The following SLC5A1 variants were observed in gnomAD, a reference collection of about 807,000 sequenced individuals.
SLC5A1 encodes sodium/glucose cotransporter 1.
In SLC5A1, 42 loss-of-function variants were observed where a neutral mutation model predicts 73.5. The ratio of observed to expected loss-of-function variants is 0.57; its 90% CI spans 0.45 to 0.74. The LOEUF (loss-of-function observed/expected upper bound fraction) is 0.74. SLC5A1 is among the 30% of genes least tolerant of loss of function. The pLI, the probability that SLC5A1 is intolerant of heterozygous loss-of-function variation, is 0.00. For missense variants in SLC5A1, 634 were observed against 855.4 expected (o/e 0.74, Z 3.23); for synonymous variants, 300 against 317.4 (o/e 0.95, Z 0.58).
chr22:32,083,451 G>A (rs567333833), intron 7 of SLC5A1, among the ~76,000 whole-genome samples: 1 of 152,256 alleles, frequency 6.6e-6, no homozygotes, highest in East Asian at 1.9e-4. Flanking sequence ...TGTTCTGTTT[G>A]CAGAGAAACT....
chr22:32,083,127 G>A lies in SLC5A1; in HGVS notation c.637G>A (p.Val213Met). 1 of 1,614,202 alleles carries A rather than the reference G, an allele frequency of 6.2e-7. No homozygotes were observed. Among genetic ancestry groups the A allele is most frequent in the Non-Finnish European group, 8.5e-7 (1 of 1,180,046 alleles). Residue 213 changes from valine to methionine, a missense_variant, in exon 7 of 15, where the codon GTG becomes ATG. Coordinates refer to ENST00000266088, the MANE Select transcript of SLC5A1 (RefSeq NM_000343.4). ...TDTLQTVIML[V>M]GSLILTGFAF... ...CACCTTGCAGACGGTGATCATGCTG[G>A]TGGGGTCTTTAATCCTGACTGGGTT...
At chr22:32,049,168 T>TATTATATATA in intron 1 of SLC5A1, among the ~76,000 whole-genome samples, 3 of 2,908 alleles carry the variant, frequency 1.0e-3, no homozygotes, top group African/African-American at 5.1e-3. Context: ...ATATAATCTA[T>TATTATATATA]ATCTATATCT....
intron 14 of SLC5A1, 63 bp from the exon 15 acceptor site, chr22:32,109,927 C>A: frequency 7.5e-7 from 1 of 1,326,508 alleles, no homozygotes; most frequent in Non-Finnish European, 1.1e-6. Context: ...TGGCTTCTCC[C>A]CTGAAAACTT....
intron 1 of SLC5A1, among the ~76,000 whole-genome samples, chr22:32,044,003 A>C (rs1034810952): frequency 2.0e-5 from 3 of 152,078 alleles, no homozygotes; most frequent in Non-Finnish European, 1.5e-5. Flanking sequence ...GTGGAAAAGG[A>C]GGAGGAGGAA....
At chr22:32,047,105 G>A (rs1488749356) in intron 1 of SLC5A1, among the ~76,000 whole-genome samples, 1 of 152,180 alleles carries the variant, frequency 6.6e-6, no homozygotes, top group Non-Finnish European at 1.5e-5. Context: ...TTGGAGAAGT[G>A]AGGAGGCTGT....
chr22:32,084,684 G>A, intron 8 of SLC5A1, 25 bp downstream of exon 8: 1 of 1,597,956 alleles, frequency 6.3e-7, no homozygotes, highest in South Asian at 1.1e-5. Context: ...TGTGCGGGAT[G>A]GACAGAGTCT....
intron 11 of SLC5A1, among the ~76,000 whole-genome samples, chr22:32,098,857 C>T (rs1294998707): frequency 7.3e-5 from 11 of 151,708 alleles, no homozygotes; most frequent in East Asian, 1.9e-4. Flanking sequence ...GAGGCCGAGG[C>T]GGGCGGATCA....
At chr22:32,090,136 C>T (rs895089041) in intron 10 of SLC5A1, among the ~76,000 whole-genome samples, 33 of 150,716 alleles carry the variant, frequency 2.2e-4, no homozygotes, top group African/African-American at 8.0e-4. Flanking sequence ...CTTAATTGAG[C>T]TTAAATTCAC....
At chr22:32,073,434 G>A (rs2093985845) in intron 5 of SLC5A1, among the ~76,000 whole-genome samples, 1 of 152,168 alleles carries the variant, frequency 6.6e-6, no homozygotes, top group Admixed American at 6.5e-5. Flanking sequence ...GCCTCCTTGT[G>A]TAGCTTCCTG....
intron 5 of SLC5A1, among the ~76,000 whole-genome samples, chr22:32,077,834 A>C (rs1179199178): frequency 6.6e-6 from 1 of 152,180 alleles, no homozygotes; most frequent in Admixed American, 6.5e-5. Context: ...CTACATATAT[A>C]TATGGGTACC....
intron 2 of SLC5A1, among the ~76,000 whole-genome samples, chr22:32,061,023 T>C (rs1247884058): frequency 2.0e-5 from 3 of 152,166 alleles, no homozygotes; most frequent in Non-Finnish European, 4.4e-5. Flanking sequence ...CCGAAGAGCT[T>C]ATTACTCTGA....
At chr22:32,079,777 G>A (rs2093996675) in intron 5 of SLC5A1, among the ~76,000 whole-genome samples, 1 of 152,198 alleles carries the variant, frequency 6.6e-6, no homozygotes, top group South Asian at 2.1e-4. Flanking sequence ...GTAGAGGCAT[G>A]AGAGGAGAGG....
intron 1 of SLC5A1, among the ~76,000 whole-genome samples, chr22:32,045,283 T>C (rs1485499728): frequency 6.6e-6 from 1 of 152,196 alleles, no homozygotes; most frequent in Non-Finnish European, 1.5e-5. Flanking sequence ...GTCTAGTAGG[T>C]GTTTATACTT....
chr22:32,047,356 A>G (rs575945673), intron 1 of SLC5A1, among the ~76,000 whole-genome samples: 1 of 151,426 alleles, frequency 6.6e-6, no homozygotes, highest in African/African-American at 2.4e-5. Flanking sequence ...TTCTTCCTCT[A>G]AGCTCTTCAT....
Position 32,099,201 on chromosome 22 carries a change from G to C in SLC5A1, c.1299G>C (p.Leu433=). 6.2e-7 allele frequency: 1 copy of C among 1,608,916 alleles called. No homozygotes were observed. The highest frequency in any genetic ancestry group is 8.5e-7 in the Non-Finnish European group (1 of 1,178,084). The part of the protein sequence containing the change: ...MIAGRLFILV[L]IGISIAWVPI... ...ATTTCAGGTTGTTTATCCTGGTGCT[G>C]ATTGGCATCAGCATCGCCTGGGTGC... is the stretch of plus-strand genomic sequence containing the variant. Residue 433 remains leucine (L), a synonymous_variant, in exon 12 of 15, where the codon CTG becomes CTC. Transcript: ENST00000266088.
intron 2 of SLC5A1, among the ~76,000 whole-genome samples, chr22:32,054,204 TC>T (rs1321223016): frequency 2.6e-5 from 4 of 152,110 alleles, no homozygotes; most frequent in Non-Finnish European, 5.9e-5. Context: ...GTTTCTCATC[TC>T]CAGCTTCTCC....
In SLC5A1 at chr22:32,110,314, T is replaced by TC; in HGVS notation, c.*101_*102insC. ...AGGGAAATCAGCCAGTTGTAAATTT[T>TC]GCCCAGGTGGATAAATGTGTACATG... On this transcript the variant is annotated 3_prime_UTR_variant, in exon 15 of 15. Coordinates refer to ENST00000266088, the MANE Select transcript of SLC5A1 (RefSeq NM_000343.4). The TC allele has an allele frequency of 1.1e-6, 1 of 917,830 alleles. No homozygotes were observed. The highest frequency in any genetic ancestry group is 1.8e-6 in the Non-Finnish European group (1 of 561,376). 56.9% of individuals were successfully genotyped at this position (917,830 alleles called of 1,614,324 possible).
At chr22:32,057,813 ATAAC>A (rs1417187281) in intron 2 of SLC5A1, among the ~76,000 whole-genome samples, 1 of 152,184 alleles carries the variant, frequency 6.6e-6, no homozygotes, top group Non-Finnish European at 1.5e-5. Context: ...CACACAAAAC[ATAAC>A]TGTAGCTAGC....
rs28463492 is a variant in SLC5A1, at chr22:32,112,247, G to A, written c.*2034G>A. 2.6e-4 allele frequency: 39 copies of A among 152,296 alleles called. No individual in the cohort carries two copies. Among genetic ancestry groups the A allele is most frequent in the African/African-American group, 9.1e-4 (38 of 41,558 alleles). 9.4% of individuals were successfully genotyped at this position (152,296 alleles called of 1,614,324 possible). A position where few individuals can be genotyped will look rare whatever the true frequency, so the allele number is the denominator to read the frequency against. Reference sequence around the variant, plus strand: ...CCATTCCAGGGTCTTCAGAATTGAAGGAGAGATGTTGTATCACTGTTAGAA... The same window carrying A: ...CCATTCCAGGGTCTTCAGAATTGAAAGAGAGATGTTGTATCACTGTTAGAA... On this transcript the variant is annotated 3_prime_UTR_variant, in exon 15 of 15. Transcript: ENST00000266088.
Sources: allele counts gnomAD v4.1 joint callset (sites outside exome capture counted in the v4.1 genomes callset), GRCh38; gene constraint gnomAD v4.1.1; transcripts MANE v1.5; gene names NCBI Gene and HGNC (gene_info 2026-07-23, HGNC 2026-07-21).